Variants in TAOK3 observed in about 807,000 individuals in gnomAD.
The protein encoded by TAOK3 is serine/threonine-protein kinase TAO3.
TAOK3 carries 40 observed loss-of-function variants against 120.4 expected under a neutral mutation model. That is an observed-to-expected ratio of 0.33 (90% confidence interval 0.26 to 0.43). The LOEUF (loss-of-function observed/expected upper bound fraction) is 0.43, where lower values mean the gene tolerates loss of function less well. TAOK3 is among the 20% of genes least tolerant of loss of function. The probability of loss-of-function intolerance (pLI) is 1.00; values close to 1 mark genes in which losing one functional copy is unlikely to be tolerated. For synonymous variants in TAOK3, 355 were observed against 387.5 expected (o/e 0.92, Z 0.99); for missense variants, 821 against 1,112.1 (o/e 0.74, Z 3.72).
At position 118,255,443 on chromosome 12, in the gene TAOK3, C is replaced by T. The variant is rs2040939691; in HGVS notation, c.120+5G>A. On this transcript the variant is annotated splice_donor_5th_base_variant and intron_variant, in intron 3 of 20. Transcript: ENST00000392533. ...TCTATCTAAAAGACTCTTTTAAGTA[C>T]TTACAAAATAAACTGCTCCAAAACT... 6.2e-7 allele frequency: 1 copy of T among 1,613,970 alleles called. No individual in the cohort carries two copies. Among genetic ancestry groups the T allele is most frequent in the Non-Finnish European group, 8.5e-7 (1 of 1,179,954 alleles).
intron 1 of TAOK3, among the ~76,000 whole-genome samples, chr12:118,309,246 C>T (rs2043174697): frequency 6.8e-6 from 1 of 147,100 alleles, no homozygotes; most frequent in South Asian, 2.2e-4. Context: ...GGAAGAATTG[C>T]TTGAACCCAG....
chr12:118,312,494 TG>T (rs1425602631), intron 1 of TAOK3, among the ~76,000 whole-genome samples: 11 of 152,192 alleles, frequency 7.2e-5, no homozygotes, highest in Non-Finnish European at 1.5e-4. Context: ...TTTCTTGGTC[TG>T]GGGAAGTAGA....
At chr12:118,364,230 G>A (rs1308534751) in intron 1 of TAOK3, among the ~76,000 whole-genome samples, 2 of 152,136 alleles carry the variant, frequency 1.3e-5, no homozygotes, top group African/African-American at 2.4e-5. Context: ...GAACATGTGA[G>A]TGTCAAAATC....
Position 118,265,157 on chromosome 12 carries a change from G to A in TAOK3, c.-89+1498C>T, listed in dbSNP as rs1367622571. On this transcript the variant is annotated intron_variant, in intron 2 of 20. Coordinates refer to ENST00000392533, the MANE Select transcript of TAOK3 (RefSeq NM_016281.4). ...TGAAATCCCAGCACTTTGGGAGGCCGAGGAGGGCAGATCACGAGGTCAGGA... is the reference window on the plus strand; with the variant it reads ...TGAAATCCCAGCACTTTGGGAGGCCAAGGAGGGCAGATCACGAGGTCAGGA... Among the ~76,000 whole-genome samples the A allele has an allele frequency of 5.3e-5, 8 of 150,880 alleles. No individual in the cohort carries two copies. The South Asian group carries it at 6.3e-4, about 12-fold the overall frequency.
At chr12:118,255,943 G>C (rs1029832580) in intron 2 of TAOK3, 1 of 155,376 alleles carries the variant, frequency 6.4e-6, no homozygotes, top group African/African-American at 2.4e-5. Context: ...AATTAGCCAG[G>C]CGTGGTGGCA....
At chr12:118,356,080 C>A (rs1485791141) in intron 1 of TAOK3, among the ~76,000 whole-genome samples, 1 of 152,130 alleles carries the variant, frequency 6.6e-6, no homozygotes, top group East Asian at 1.9e-4. Flanking sequence ...GGAAGGGCAT[C>A]AATTCTAAGA....
At chr12:118,205,522 T>G (rs1160848046) in intron 11 of TAOK3, among the ~76,000 whole-genome samples, 3 of 152,252 alleles carry the variant, frequency 2.0e-5, no homozygotes, top group Middle Eastern at 6.8e-3. Flanking sequence ...TGGTGGTGGT[T>G]ATTTTCTGGT....
At chr12:118,352,228 C>T (rs17619932) in intron 1 of TAOK3, among the ~76,000 whole-genome samples, 31,500 of 151,848 alleles carry the variant, frequency 0.21, 3,379 homozygotes, top group African/African-American at 0.27. Context: ...ATCTCTCCAA[C>T]GGCAGCTGGC....
chr12:118,324,585 T>C (rs2043852322), intron 1 of TAOK3, among the ~76,000 whole-genome samples: 1 of 152,072 alleles, frequency 6.6e-6, no homozygotes, highest in African/African-American at 2.4e-5. Flanking sequence ...ATCATTCTAG[T>C]TTCTATCTGC....
At chr12:118,370,927 C>T (rs2045874905) in intron 1 of TAOK3, among the ~76,000 whole-genome samples, 2 of 152,162 alleles carry the variant, frequency 1.3e-5, no homozygotes, top group Non-Finnish European at 2.9e-5. Context: ...AAAGCTCAAT[C>T]CTGGCAGCTT....
chr12:118,321,270 AT>A (rs576229032), intron 1 of TAOK3, among the ~76,000 whole-genome samples: 1 of 151,774 alleles, frequency 6.6e-6, no homozygotes, highest in African/African-American at 2.4e-5. Context: ...ACACACACAC[AT>A]TTTTTTTCAG....
At chr12:118,240,471 G>A (rs1384793487) in intron 5 of TAOK3, among the ~76,000 whole-genome samples, 1 of 151,920 alleles carries the variant, frequency 6.6e-6, no homozygotes, top group African/African-American at 2.4e-5. Context: ...GAGCCACCGT[G>A]CCCGGCCTCT....
chr12:118,367,542 T>C (rs1042839061), intron 1 of TAOK3, among the ~76,000 whole-genome samples: 1 of 152,158 alleles, frequency 6.6e-6, no homozygotes, highest in Non-Finnish European at 1.5e-5. Context: ...TTCTTTTACT[T>C]AGCTGAGCCT....
intron 1 of TAOK3, among the ~76,000 whole-genome samples, chr12:118,335,771 G>A (rs1334371196): frequency 6.6e-6 from 1 of 152,198 alleles, no homozygotes; most frequent in Non-Finnish European, 1.5e-5. Context: ...AGAGGCTGCA[G>A]TGAGTGGAGA....
At chr12:118,199,318 A>G in intron 12 of TAOK3, 61 bp from the exon 13 acceptor site, 1 of 1,363,424 alleles carries the variant, frequency 7.3e-7, no homozygotes, top group Non-Finnish European at 1.0e-6. Context: ...CAATCCATTG[A>G]CAAAAGTGTC....
intron 11 of TAOK3, among the ~76,000 whole-genome samples, chr12:118,211,089 G>A (rs899144717): frequency 2.0e-5 from 3 of 152,108 alleles, no homozygotes; most frequent in African/African-American, 7.2e-5. Context: ...CAGGCACTAT[G>A]TTTTTATTGT....
At chr12:118,266,185 G>T (rs1199134986) in intron 2 of TAOK3, among the ~76,000 whole-genome samples, 1 of 151,944 alleles carries the variant, frequency 6.6e-6, no homozygotes, top group Non-Finnish European at 1.5e-5. Context: ...GAAACTCAAA[G>T]ATTTTTATTT....
rs2036388761 is a variant in TAOK3, at chr12:118,177,067, A to C, written c.1695+134T>G. The C allele has an allele frequency of 4.2e-6, 4 of 957,918 alleles. No homozygotes were observed. In the South Asian group the frequency reaches 5.0e-5, roughly 12 times the overall value. The allele number at this position is 957,918 out of a possible 1,614,324, so 59.3% of individuals were successfully genotyped here. ...CAGGTGTGAGTCACTGTGCCCGGAA[A>C]GCATTTTAGGGTATTCTAATGTAAA... On this transcript the variant is annotated intron_variant, in intron 16 of 20. Coordinates refer to ENST00000392533, the MANE Select transcript of TAOK3 (RefSeq NM_016281.4).
chr12:118,320,376 A>G (rs1021367076), intron 1 of TAOK3, among the ~76,000 whole-genome samples: 3 of 152,032 alleles, frequency 2.0e-5, no homozygotes, highest in African/African-American at 7.2e-5. Context: ...GGATCGCTTG[A>G]GCCCCAGGTA....
Sources: gnomAD v4.1 joint callset for allele counts (sites outside exome capture counted in the v4.1 genomes callset) on GRCh38, gnomAD v4.1.1 for gene constraint, MANE v1.5 for transcripts, NCBI Gene and HGNC (gene_info 2026-07-23, HGNC 2026-07-21) for gene names.